The following NRG1 variants were observed in gnomAD, a reference collection of about 807,000 sequenced individuals.
The protein encoded by NRG1 is pro-neuregulin-1, membrane-bound isoform.
NRG1 carries 18 observed loss-of-function variants against 63.8 expected under a neutral mutation model. The ratio of observed to expected loss-of-function variants is 0.28; its 90% CI spans 0.19 to 0.42. The LOEUF (loss-of-function observed/expected upper bound fraction) is 0.42, where lower values mean the gene tolerates loss of function less well. Ranked by LOEUF, NRG1 falls within the 10% of genes least tolerant of loss-of-function variation. The probability of loss-of-function intolerance (pLI) is 1.00; values close to 1 mark genes in which losing one functional copy is unlikely to be tolerated. For missense variants in NRG1, 762 were observed against 814.7 expected (o/e 0.94, Z 0.79); for synonymous variants, 302 against 301.3 (o/e 1.00, Z -0.02).
intron 1 of NRG1, among the ~76,000 whole-genome samples, chr8:31,708,978 C>T (rs1811456902): frequency 1.3e-5 from 2 of 152,150 alleles, no homozygotes; most frequent in African/African-American, 2.4e-5. Context: ...AGCCAATCAA[C>T]ACACATATTT....
intron 1 of NRG1, among the ~76,000 whole-genome samples, chr8:32,037,019 C>T (rs556593436): frequency 6.6e-6 from 1 of 152,278 alleles, no homozygotes; most frequent in South Asian, 2.1e-4. Context: ...GGCACTCTGG[C>T]TTTTTGAGTT....
At chr8:31,937,154 TG>T (rs1209901313) in intron 1 of NRG1, among the ~76,000 whole-genome samples, 2 of 152,194 alleles carry the variant, frequency 1.3e-5, no homozygotes, top group Non-Finnish European at 2.9e-5. Flanking sequence ...CTGACTGAAC[TG>T]CACCATTTGT....
intron 1 of NRG1, among the ~76,000 whole-genome samples, chr8:32,418,697 C>A (rs1187837330): frequency 6.6e-6 from 1 of 152,090 alleles, no homozygotes; most frequent in Non-Finnish European, 1.5e-5. Context: ...TATACACCTA[C>A]AAATAATTAT....
intron 1 of NRG1, among the ~76,000 whole-genome samples, chr8:32,434,274 T>C (rs13251736): frequency 0.025 from 3,771 of 152,286 alleles, 80 homozygotes; most frequent in Non-Finnish European, 0.041. Context: ...GGTACAGTAC[T>C]GAGCTAAACG....
At chr8:31,661,700 ATGT>A (rs933739139) in intron 1 of NRG1, among the ~76,000 whole-genome samples, 3 of 152,180 alleles carry the variant, frequency 2.0e-5, no homozygotes, top group Admixed American at 1.3e-4. Context: ...CTGTGTTCTG[ATGT>A]TGTCTAAAAA....
chr8:32,619,405 G>C (rs1847939206), intron 5 of NRG1, among the ~76,000 whole-genome samples: 1 of 152,124 alleles, frequency 6.6e-6, no homozygotes, highest in African/African-American at 2.4e-5. Flanking sequence ...ACAGACCCTG[G>C]GGTCTGAGCA....
In NRG1 at chr8:32,137,059, G is replaced by T. The variant is rs138675345; in HGVS notation, c.38-458769G>T. Among the ~76,000 whole-genome samples the T allele has an allele frequency of 8.8e-3, 1,335 of 151,876 alleles. 7 individuals carry two copies. The highest frequency in any genetic ancestry group is 0.015 in the African/African-American group (601 of 41,426). ...CGATTGTGAATCAATAAACATGGGG[G>T]TTTTTTTTAAAACATGATTTCTATG... On this transcript the variant is annotated intron_variant, in intron 1 of 10. Transcript: ENST00000519301.
At chr8:32,160,666 C>T (rs1348354362) in intron 1 of NRG1, among the ~76,000 whole-genome samples, 2 of 152,150 alleles carry the variant, frequency 1.3e-5, no homozygotes, top group Non-Finnish European at 2.9e-5. Flanking sequence ...GGTCCTAATG[C>T]CAGAGTGCTT....
intron 1 of NRG1, among the ~76,000 whole-genome samples, chr8:32,577,789 T>A (rs1839930297): frequency 6.6e-6 from 1 of 151,950 alleles, no homozygotes; most frequent in Non-Finnish European, 1.5e-5. Context: ...CATCTCTCTC[T>A]TTTTTTTAAA....
chr8:32,513,210 T>TGC (rs1293929182), intron 1 of NRG1, among the ~76,000 whole-genome samples: 2 of 151,834 alleles, frequency 1.3e-5, no homozygotes, highest in African/African-American at 4.8e-5. Flanking sequence ...TGTGCGTGTG[T>TGC]GTGTGTGTGT....
chr8:32,319,016 G>A (rs1053205591), intron 1 of NRG1, among the ~76,000 whole-genome samples: 1 of 152,118 alleles, frequency 6.6e-6, no homozygotes, highest in Non-Finnish European at 1.5e-5. Flanking sequence ...TGTAAAAAAG[G>A]CTTGCCAACA....
intron 1 of NRG1, among the ~76,000 whole-genome samples, chr8:31,921,554 C>A (rs1270865876): frequency 2.6e-5 from 4 of 152,128 alleles, no homozygotes; most frequent in African/African-American, 9.7e-5. Context: ...GGACAGACCT[C>A]TGGCATCATA....
chr8:32,270,829 T>TC (rs1851465647), intron 1 of NRG1, among the ~76,000 whole-genome samples: 2 of 152,234 alleles, frequency 1.3e-5, no homozygotes, highest in South Asian at 4.1e-4. Context: ...ATGCTACAAG[T>TC]CTTTTTTTTT....
At chr8:31,707,501 C>T (rs1811264884) in intron 1 of NRG1, among the ~76,000 whole-genome samples, 1 of 151,984 alleles carries the variant, frequency 6.6e-6, no homozygotes, top group Admixed American at 6.6e-5. Context: ...TCTTTATAAA[C>T]TTCCAGATTA....
intron 1 of NRG1, among the ~76,000 whole-genome samples, chr8:31,771,719 T>C (rs1364804049): frequency 2.0e-5 from 3 of 152,174 alleles, no homozygotes; most frequent in Non-Finnish European, 4.4e-5. Context: ...GAATGGTGCA[T>C]GGCTATAGTT....
intron 1 of NRG1, among the ~76,000 whole-genome samples, chr8:31,985,259 A>G (rs573463248): frequency 1.3e-5 from 2 of 152,218 alleles, no homozygotes; most frequent in South Asian, 4.1e-4. Context: ...TAGACCAAGC[A>G]CTTAAGAATT....
chr8:32,728,470 T>A, intron 6 of NRG1: 1 of 985,226 alleles, frequency 1.0e-6, no homozygotes, highest in Non-Finnish European at 1.2e-6. Flanking sequence ...TGCTTTCTTA[T>A]CCCAGTGATC....
chr8:32,305,414 C>A (rs902357156), intron 1 of NRG1, among the ~76,000 whole-genome samples: 1 of 138,218 alleles, frequency 7.2e-6, no homozygotes, highest in Non-Finnish European at 1.7e-5. Context: ...GTTCACCAGA[C>A]GAATTCTTCA....
intron 1 of NRG1, among the ~76,000 whole-genome samples, chr8:31,956,357 C>T (rs747528194): frequency 3.3e-5 from 5 of 152,046 alleles, no homozygotes; most frequent in Non-Finnish European, 5.9e-5. Flanking sequence ...AGGTTGGGTG[C>T]GGTAAATCAC....
Sources: gnomAD v4.1 joint callset for allele counts (sites outside exome capture counted in the v4.1 genomes callset) on GRCh38, gnomAD v4.1.1 for gene constraint, MANE v1.5 for transcripts, NCBI Gene and HGNC (gene_info 2026-07-23, HGNC 2026-07-21) for gene names.